LYZL4: variants seen among roughly 807,000 people sequenced by gnomAD.
The protein encoded by LYZL4 is lysozyme like 4.
LYZL4 carries 13 observed loss-of-function variants against 17.6 expected under a neutral mutation model. The ratio of observed to expected loss-of-function variants is 0.74; its 90% confidence interval spans 0.48 to 1.18. The LOEUF is 1.18. Among genes scored for constraint, LYZL4 ranks in the 50% most tolerant of loss-of-function variants. The pLI is 0.00. For synonymous variants in LYZL4, 64 were observed against 67.7 expected, an observed-to-expected ratio of 0.95 and a Z score of 0.27; for missense variants, 174 against 188.2, an observed-to-expected ratio of 0.92 and a Z score of 0.44.
the LYZL4 span, among the ~76,000 whole-genome samples, chr3:42,365,239 C>A: frequency 6.6e-6 from 1 of 152,072 alleles, no homozygotes; most frequent in Non-Finnish European, 1.5e-5. Flanking sequence ...AAGATTGGAA[C>A]CAAGTGGCTT....
chr3:42,399,534 G>A lies in LYZL4; in HGVS notation c.372-2200C>T, dbSNP rs1981668. Among the ~76,000 whole-genome samples the A allele has an allele frequency of 3.1e-3, 473 of 152,248 alleles. 3 individuals carry two copies. Among genetic ancestry groups the A allele is most frequent in the Middle Eastern group, 0.01 (3 of 292 alleles). ...GCAGAGACCTTTAAGTAGTGATAAT[G>A]CCAAGATTCATGAGCTCTATTAATA... On this transcript the variant is annotated intron_variant, in intron 4 of 4. Coordinates refer to ENST00000287748, the MANE Select transcript of LYZL4 (RefSeq NM_144634.4).
chr3:42,384,093 C>G, the LYZL4 span, among the ~76,000 whole-genome samples: 1 of 152,092 alleles, frequency 6.6e-6, no homozygotes, highest in Non-Finnish European at 1.5e-5. Flanking sequence ...CTACAACCTT[C>G]CAGAAAGAAA....
the LYZL4 span, among the ~76,000 whole-genome samples, chr3:42,368,915 C>T: frequency 2.2e-4 from 34 of 152,154 alleles, no homozygotes; most frequent in African/African-American, 7.2e-4. Flanking sequence ...TGTTTATTGG[C>T]CACTTGTGGT....
intron 1 of LYZL4, among the ~76,000 whole-genome samples, chr3:42,409,066 C>G (rs1261704343): frequency 6.6e-6 from 1 of 152,182 alleles, no homozygotes; most frequent in South Asian, 2.1e-4. Context: ...AATACAGTAT[C>G]TAGGAGGGCC....
the LYZL4 span, among the ~76,000 whole-genome samples, chr3:42,374,694 C>T: frequency 2.0e-5 from 3 of 152,218 alleles, no homozygotes; most frequent in Non-Finnish European, 4.4e-5. Context: ...TGTATCCTCG[C>T]CACTGGTGCC....
At chr3:42,392,760 G>T (rs1326523935), downstream of LYZL4, among the ~76,000 whole-genome samples, 1 of 152,164 alleles carries the variant, frequency 6.6e-6, no homozygotes. Context: ...TTCCAGTGGA[G>T]CCAAAGAATT....
At chr3:42,395,490 G>A (rs1445001202), downstream of LYZL4, among the ~76,000 whole-genome samples, 1 of 152,068 alleles carries the variant, frequency 6.6e-6, no homozygotes, top group Non-Finnish European at 1.5e-5. Context: ...TGTCTGTAAG[G>A]GGAAAAATGT....
At chr3:42,393,332 C>T (rs567484412), downstream of LYZL4, among the ~76,000 whole-genome samples, 9 of 137,596 alleles carry the variant, frequency 6.5e-5, no homozygotes, top group South Asian at 4.5e-4. Flanking sequence ...CAGACGTGTG[C>T]GCGTGCACAC....
At chr3:42,370,271 C>G in the LYZL4 span, among the ~76,000 whole-genome samples, 1 of 140,824 alleles carries the variant, frequency 7.1e-6, no homozygotes, top group South Asian at 2.3e-4. Flanking sequence ...CCACCCCCTT[C>G]CCACACAGAC....
chr3:42,369,940 G>C, the LYZL4 span, among the ~76,000 whole-genome samples: 40 of 152,130 alleles, frequency 2.6e-4, no homozygotes, highest in African/African-American at 9.2e-4. Flanking sequence ...CCAGCTACTC[G>C]AGAGATAGAG....
chr3:42,378,372 T>C, the LYZL4 span, among the ~76,000 whole-genome samples: 2 of 152,158 alleles, frequency 1.3e-5, no homozygotes, highest in African/African-American at 2.4e-5. Flanking sequence ...TTGCCAAAGT[T>C]ATATATCCAT....
chr3:42,372,545 C>G, the LYZL4 span, among the ~76,000 whole-genome samples: 1 of 152,168 alleles, frequency 6.6e-6, no homozygotes, highest in East Asian at 1.9e-4. Flanking sequence ...ACCCTGAGAA[C>G]AGTGAGAGTT....
At chr3:42,372,983 G>A in the LYZL4 span, among the ~76,000 whole-genome samples, 2 of 152,082 alleles carry the variant, frequency 1.3e-5, no homozygotes, top group Non-Finnish European at 2.9e-5. Flanking sequence ...GAGGAGGGCA[G>A]ATCCCTTGAG....
intron 3 of LYZL4, among the ~76,000 whole-genome samples, chr3:42,406,453 CAAAAAAAAAAAAAAAA>C (rs565639489): frequency 1.2e-5 from 1 of 84,158 alleles, no homozygotes; most frequent in Non-Finnish European, 2.4e-5. Flanking sequence ...GACTCCGTCT[CAAAAAAAAAAAAAAAA>C]AAAAAAAAAA....
Position 42,397,155 on chromosome 3 carries a change from G to A in LYZL4, c.*110C>T. 1 of 769,262 alleles carries A rather than the reference G, an allele frequency of 1.3e-6. No individual in the cohort carries two copies. The highest frequency in any genetic ancestry group is 2.8e-5 in the East Asian group (1 of 36,060). 47.7% of individuals were successfully genotyped at this position (769,262 alleles called of 1,614,324 possible). ...GCAAACTTTTGTCTTTTTCCATCTG[G>A]AACTCTTAAAGTGGTGAGATCATCA... On this transcript the variant is annotated 3_prime_UTR_variant, in exon 5 of 5. Coordinates refer to ENST00000287748, the MANE Select transcript of LYZL4 (RefSeq NM_144634.4).
chr3:42,369,760 C>A, the LYZL4 span, among the ~76,000 whole-genome samples: 1 of 152,236 alleles, frequency 6.6e-6, no homozygotes, highest in Non-Finnish European at 1.5e-5. Flanking sequence ...CCCTACCCCA[C>A]AACCCCTGCA....
At chr3:42,384,286 C>T in the LYZL4 span, among the ~76,000 whole-genome samples, 1 of 152,104 alleles carries the variant, frequency 6.6e-6, no homozygotes, top group African/African-American at 2.4e-5. Flanking sequence ...TCAAGAGTCC[C>T]TTGCACTCTT....
At chr3:42,369,612 G>T in the LYZL4 span, among the ~76,000 whole-genome samples, 4 of 152,212 alleles carry the variant, frequency 2.6e-5, no homozygotes. Flanking sequence ...AGGAACCCCA[G>T]GCTCTCGGAG....
chr3:42,364,001 A>C, the LYZL4 span, among the ~76,000 whole-genome samples: 1 of 152,212 alleles, frequency 6.6e-6, no homozygotes, highest in African/African-American at 2.4e-5. Context: ...CTTGAGCCAC[A>C]GCTAATCTGA....
Sources: gnomAD v4.1 joint callset for allele counts (sites outside exome capture counted in the v4.1 genomes callset) on GRCh38, gnomAD v4.1.1 for gene constraint, MANE v1.5 for transcripts, NCBI Gene and HGNC (gene_info 2026-07-23, HGNC 2026-07-21) for gene names.